Variants in ARHGAP25 observed in about 807,000 individuals in gnomAD.
ARHGAP25 encodes the protein Rho GTPase activating protein 25.
In ARHGAP25, 34 loss-of-function variants were observed where a neutral mutation model predicts 71.0. The observed-to-expected ratio is 0.48, with a 90% CI of 0.36 to 0.64. ARHGAP25 has a LOEUF of 0.64. Among genes scored for constraint, ARHGAP25 ranks in the 30% least tolerant of loss-of-function variants. The pLI, the probability that ARHGAP25 is intolerant of heterozygous loss-of-function variation, is 0.00. For missense variants in ARHGAP25, 706 were observed against 805.1 expected (o/e 0.88, Z 1.49); for synonymous variants, 282 against 296.5 (o/e 0.95, Z 0.50).
chr2:68,800,591 T>C (rs932841226), intron 4 of ARHGAP25, among the ~76,000 whole-genome samples: 1 of 152,176 alleles, frequency 6.6e-6, no homozygotes, highest in Admixed American at 6.6e-5. Flanking sequence ...AGGAACTCCC[T>C]TGAGACTTTA....
intron 2 of ARHGAP25, among the ~76,000 whole-genome samples, chr2:68,711,959 G>A (rs1412120754): frequency 6.6e-6 from 1 of 152,136 alleles, no homozygotes; most frequent in Admixed American, 6.5e-5. Flanking sequence ...ATTGTGAATA[G>A]TGCTGCAATA....
chr2:68,718,371 G>A (rs1107629), intron 2 of ARHGAP25, among the ~76,000 whole-genome samples: 34,088 of 151,844 alleles, frequency 0.22, 4,197 homozygotes, highest in East Asian at 0.37. Flanking sequence ...ACTTTGTTTT[G>A]TACTCACACT....
At chr2:68,791,454 A>G (rs1679168401) in intron 4 of ARHGAP25, among the ~76,000 whole-genome samples, 1 of 151,926 alleles carries the variant, frequency 6.6e-6, no homozygotes, top group Non-Finnish European at 1.5e-5. Context: ...CTGAGAGATT[A>G]TTCAGTAAAT....
intron 3 of ARHGAP25, among the ~76,000 whole-genome samples, chr2:68,783,444 G>T (rs1287115199): frequency 2.0e-5 from 3 of 150,406 alleles, no homozygotes; most frequent in Non-Finnish European, 3.0e-5. Flanking sequence ...TTGCTTGTTT[G>T]TTTTTTTTGT....
chr2:68,788,172 A>G (rs566388381), intron 4 of ARHGAP25, among the ~76,000 whole-genome samples: 1 of 152,358 alleles, frequency 6.6e-6, no homozygotes, highest in South Asian at 2.1e-4. Context: ...GTCATCTCAA[A>G]GAGCCATCTC....
chr2:68,769,332 T>G (rs1303325744), intron 1 of ARHGAP25, among the ~76,000 whole-genome samples: 1 of 152,200 alleles, frequency 6.6e-6, no homozygotes, highest in Admixed American at 6.5e-5. Context: ...AAGCAGGCAC[T>G]GGCTGGGACC....
intron 2 of ARHGAP25, chr2:68,775,664 C>G (rs746452851): frequency 1.5e-6 from 1 of 654,014 alleles, no homozygotes; most frequent in South Asian, 1.5e-5. Context: ...GGCTCTGAGT[C>G]AAGACTGGCA....
chr2:68,748,945 G>A (rs1675995997), intron 1 of ARHGAP25, among the ~76,000 whole-genome samples: 1 of 152,148 alleles, frequency 6.6e-6, no homozygotes, highest in African/African-American at 2.4e-5. Context: ...CTCTGCTCAG[G>A]AATCCAAACA....
At chr2:68,772,882 G>A (rs1263788351) in intron 1 of ARHGAP25, among the ~76,000 whole-genome samples, 3 of 152,222 alleles carry the variant, frequency 2.0e-5, no homozygotes, top group African/African-American at 7.2e-5. Flanking sequence ...CAAATCCTTT[G>A]TAAGCAAGCT....
chr2:68,777,503 C>T (rs1288397336), intron 2 of ARHGAP25, among the ~76,000 whole-genome samples: 2 of 152,202 alleles, frequency 1.3e-5, no homozygotes, highest in Non-Finnish European at 2.9e-5. Flanking sequence ...AAGGTTCTTG[C>T]TTCTCCTCCT....
chr2:68,736,530 A>G (rs1341076886), intron 1 of ARHGAP25, among the ~76,000 whole-genome samples: 4 of 152,196 alleles, frequency 2.6e-5, no homozygotes, highest in African/African-American at 7.2e-5. Context: ...CTCTCCACCT[A>G]TGTTTGAACA....
At chr2:68,811,425 C>T (rs951421136) in intron 5 of ARHGAP25, among the ~76,000 whole-genome samples, 4 of 152,178 alleles carry the variant, frequency 2.6e-5, no homozygotes, top group Non-Finnish European at 5.9e-5. Flanking sequence ...GCCACTTTCT[C>T]GGGAACTTCT....
rs540641463 is a variant in ARHGAP25 at position 68,747,485 on chromosome 2, C to T, written c.61+12225C>T. Among the ~76,000 whole-genome samples the T allele has an allele frequency of 1.8e-4, 28 of 152,296 alleles. No homozygotes were observed. In the South Asian group the frequency reaches 3.7e-3, roughly 20 times the overall value. Reference sequence around the variant, plus strand: ...TACAGGTTTTCTGTGAAGCTGGCTCCGGTCCCAGGGCTCAGTCCCCCGTCC... The same window carrying T: ...TACAGGTTTTCTGTGAAGCTGGCTCTGGTCCCAGGGCTCAGTCCCCCGTCC... On this transcript the variant is annotated intron_variant, in intron 1 of 10. Coordinates refer to ENST00000409202, the MANE Select transcript of ARHGAP25 (RefSeq NM_001007231.3).
intron 1 of ARHGAP25, among the ~76,000 whole-genome samples, chr2:68,735,819 T>C (rs1294816820): frequency 6.6e-6 from 1 of 152,178 alleles, no homozygotes; most frequent in Non-Finnish European, 1.5e-5. Flanking sequence ...GGGAGGGAAT[T>C]CTTAGATGAG....
Position 68,775,299 on chromosome 2 carries a change from C to G in ARHGAP25, c.140C>G (p.Pro47Arg), listed in dbSNP as rs956936445. Residue 47 changes from proline to arginine, a missense_variant, in exon 2 of 11, where the codon CCC becomes CGC. By Grantham distance (103) the Pro-to-Arg change is moderately radical. Transcript: ENST00000409202. ...PSSTPNPLER[P>R]IKMGWLKKQR... ...TCCACCCCCAACCCGCTGGAGAGGCCCATCAAGATGGGCTGGCTGAAGAAG... is the reference window on the plus strand; with the variant it reads ...TCCACCCCCAACCCGCTGGAGAGGCGCATCAAGATGGGCTGGCTGAAGAAG... 1 of 1,614,118 alleles carries G rather than the reference C, an allele frequency of 6.2e-7. No homozygotes were observed. The highest frequency in any genetic ancestry group is 8.5e-7 in the Non-Finnish European group (1 of 1,180,054).
chr2:68,824,741 C>CG (rs1681986428), intron 10 of ARHGAP25, among the ~76,000 whole-genome samples: 1 of 147,684 alleles, frequency 6.8e-6, no homozygotes, highest in Non-Finnish European at 1.5e-5. Flanking sequence ...GACTCCGTCT[C>CG]AAAAAAAACA....
At position 68,767,825 on chromosome 2, in the gene ARHGAP25, C is replaced by T. The variant is rs534959642; in HGVS notation, c.62-7396C>T. Among the ~76,000 whole-genome samples, 6 of 152,196 alleles carry T rather than the reference C, an allele frequency of 3.9e-5. No individual in the cohort carries two copies. Among genetic ancestry groups the T allele is most frequent in the East Asian group, 3.9e-4 (2 of 5,180 alleles). ...CTGAGCCTTGCAGAGCATACACTGG[C>T]GGAAATAGCACAAAATTGTTTGTGC... On this transcript the variant is annotated intron_variant, in intron 1 of 10. Transcript: ENST00000409202. The surrounding 1 kb of genome is among the most constrained non-coding windows in gnomAD (Gnocchi z 4.6).
At chr2:68,780,428 T>A (rs1486002665) in intron 2 of ARHGAP25, among the ~76,000 whole-genome samples, 1 of 152,182 alleles carries the variant, frequency 6.6e-6, no homozygotes, top group Non-Finnish European at 1.5e-5. Flanking sequence ...CCAAAGTAGC[T>A]CAGCAGCACA....
At chr2:68,783,360 GA>G (rs886410604) in intron 3 of ARHGAP25, among the ~76,000 whole-genome samples, 12 of 151,536 alleles carry the variant, frequency 7.9e-5, no homozygotes, top group Admixed American at 3.9e-4. Context: ...TTATAATGCA[GA>G]AAAAAAATCC....
Sources: allele counts gnomAD v4.1 joint callset (sites outside exome capture counted in the v4.1 genomes callset), GRCh38; gene constraint gnomAD v4.1.1; non-coding constraint Gnocchi (gnomAD v3.1); transcripts MANE v1.5; gene names NCBI Gene and HGNC (gene_info 2026-07-23, HGNC 2026-07-21).